The following LRP1B variants were observed in gnomAD, a reference collection of about 807,000 sequenced individuals.
The protein encoded by LRP1B is low-density lipoprotein receptor-related protein 1B.
LRP1B carries 217 observed loss-of-function variants against 556.6 expected under a neutral mutation model. The observed-to-expected ratio is 0.39, with a 90% CI of 0.35 to 0.44. LRP1B has a LOEUF of 0.44. LRP1B is among the 20% of genes least tolerant of loss of function. The pLI is 1.00. For missense variants in LRP1B, 5,053 were observed against 5,620.8 expected, an observed-to-expected ratio of 0.90 and a Z score of 3.23; for synonymous variants, 2,047 against 1,865.8, an observed-to-expected ratio of 1.10 and a Z score of -2.50.
At chr2:141,128,214 T>C (rs1278476193) in intron 7 of LRP1B, among the ~76,000 whole-genome samples, 1 of 152,204 alleles carries the variant, frequency 6.6e-6, no homozygotes, top group East Asian at 1.9e-4. Flanking sequence ...TATGTATGTC[T>C]TTTTAGATTT....
chr2:140,535,199 A>G (rs576164921), intron 46 of LRP1B, among the ~76,000 whole-genome samples: 2 of 151,848 alleles, frequency 1.3e-5, no homozygotes, highest in African/African-American at 4.8e-5. Flanking sequence ...ATGCTTGCCA[A>G]CTCCTGCTCT....
intron 41 of LRP1B, among the ~76,000 whole-genome samples, chr2:140,694,006 C>T (rs1027584456): frequency 2.0e-5 from 3 of 152,172 alleles, no homozygotes; most frequent in African/African-American, 7.2e-5. Flanking sequence ...CCGCTCCAGG[C>T]CTAATCACAT....
intron 1 of LRP1B, among the ~76,000 whole-genome samples, chr2:141,970,065 AT>A (rs1197299463): frequency 7.3e-5 from 11 of 151,630 alleles, no homozygotes; most frequent in African/African-American, 2.7e-4. Flanking sequence ...TCTGTTGACC[AT>A]TTGTATGTCT....
chr2:141,979,244 T>C (rs189222937), intron 1 of LRP1B, among the ~76,000 whole-genome samples: 6 of 152,216 alleles, frequency 3.9e-5, no homozygotes, highest in Admixed American at 2.6e-4. Flanking sequence ...GATATCACAA[T>C]TGGAAGAAAG....
intron 3 of LRP1B, among the ~76,000 whole-genome samples, chr2:141,379,846 C>T (rs1014020975): frequency 6.6e-6 from 1 of 152,076 alleles, no homozygotes; most frequent in Admixed American, 6.6e-5. Flanking sequence ...AGCAATAAAG[C>T]CAAGCTCCTA....
intron 3 of LRP1B, among the ~76,000 whole-genome samples, chr2:141,475,298 G>A (rs1682657565): frequency 6.6e-6 from 1 of 152,040 alleles, no homozygotes; most frequent in African/African-American, 2.4e-5. Context: ...ACCTGGGAGG[G>A]GGAGGTTGCC....
intron 21 of LRP1B, among the ~76,000 whole-genome samples, chr2:140,909,925 T>G (rs370990242): frequency 1.3e-5 from 2 of 151,272 alleles, no homozygotes; most frequent in East Asian, 3.9e-4. Context: ...AAATCCAAAA[T>G]TCTACAAAAA....
intron 60 of LRP1B, among the ~76,000 whole-genome samples, chr2:140,471,561 T>A (rs897662781): frequency 1.3e-5 from 2 of 152,198 alleles, no homozygotes; most frequent in African/African-American, 4.8e-5. Context: ...CTTACATATA[T>A]CTCCAATTTG....
intron 1 of LRP1B, among the ~76,000 whole-genome samples, chr2:142,051,508 C>T (rs1438958365): frequency 1.3e-5 from 2 of 151,082 alleles, no homozygotes; most frequent in Non-Finnish European, 1.5e-5. Flanking sequence ...GATGGAGTCT[C>T]GCTCTGTCAC....
intron 31 of LRP1B, among the ~76,000 whole-genome samples, chr2:140,828,498 A>G (rs113047740): frequency 0.18 from 8,415 of 46,704 alleles, 1 homozygote; most frequent in Non-Finnish European, 0.27. Flanking sequence ...AGTCCCAGCT[A>G]CTCGGGAGGC....
chr2:141,107,095 G>A lies in LRP1B; in HGVS notation c.1014-44822C>T, dbSNP rs577709761. Among the ~76,000 whole-genome samples, 6 of 150,848 alleles carry A rather than the reference G, an allele frequency of 4.0e-5. No individual in the cohort carries two copies. The East Asian group carries it at 9.7e-4, about 24-fold the overall frequency. On this transcript the variant is annotated intron_variant, in intron 7 of 90. Coordinates refer to ENST00000389484, the MANE Select transcript of LRP1B (RefSeq NM_018557.3). ...ATTCAATCACTTTTCACTGGACTTT[G>A]GAAATAATTCCCTAATAGTCTTCCT...
intron 3 of LRP1B, among the ~76,000 whole-genome samples, chr2:141,414,161 C>T (rs189762554): frequency 0.023 from 3,461 of 148,626 alleles, 91 homozygotes; most frequent in East Asian, 0.11. Context: ...GGCGTGAACC[C>T]GGGAGGCGGA....
chr2:140,624,164 C>T (rs1326465976), intron 41 of LRP1B, among the ~76,000 whole-genome samples: 4 of 151,824 alleles, frequency 2.6e-5, no homozygotes, highest in East Asian at 1.9e-4. Flanking sequence ...TCAGATGCAA[C>T]TTTGAATCTT....
chr2:140,359,764 A>G (rs1037142166), intron 72 of LRP1B, among the ~76,000 whole-genome samples: 1 of 151,628 alleles, frequency 6.6e-6, no homozygotes, highest in African/African-American at 2.4e-5. Context: ...AGTTGGTTGT[A>G]GGACATCCCC....
intron 35 of LRP1B, among the ~76,000 whole-genome samples, chr2:140,726,326 AT>A (rs1687592541): frequency 6.6e-6 from 1 of 152,178 alleles, no homozygotes; most frequent in Non-Finnish European, 1.5e-5. Context: ...GCTTAAAAAA[AT>A]AAATAAGTAA....
At chr2:140,450,773 A>G (rs1686853158) in intron 62 of LRP1B, 112 bp from the exon 63 acceptor site, 1 of 667,080 alleles carries the variant, frequency 1.5e-6, no homozygotes, top group Non-Finnish European at 2.5e-6. Context: ...AGATGTGAAC[A>G]ATGGTGATTT....
At chr2:142,101,398 T>C (rs1455428802) in intron 1 of LRP1B, among the ~76,000 whole-genome samples, 1 of 152,024 alleles carries the variant, frequency 6.6e-6, no homozygotes, top group Non-Finnish European at 1.5e-5. Context: ...ATATAAGACA[T>C]GTTAGTATGT....
chr2:141,916,948 C>T (rs1326995005), intron 1 of LRP1B, among the ~76,000 whole-genome samples: 3 of 152,010 alleles, frequency 2.0e-5, no homozygotes, highest in Non-Finnish European at 2.9e-5. Context: ...AAACAGAAAA[C>T]GAGGCATCAT....
At chr2:141,905,595 G>C (rs945080413) in intron 1 of LRP1B, among the ~76,000 whole-genome samples, 1 of 151,776 alleles carries the variant, frequency 6.6e-6, no homozygotes, top group African/African-American at 2.4e-5. Flanking sequence ...AGTGAGTATG[G>C]ATACTGATCA....
Sources: gnomAD v4.1 joint callset for allele counts (sites outside exome capture counted in the v4.1 genomes callset) on GRCh38, gnomAD v4.1.1 for gene constraint, MANE v1.5 for transcripts, NCBI Gene and HGNC (gene_info 2026-07-23, HGNC 2026-07-21) for gene names.